TACC1: variants seen among roughly 807,000 people sequenced by gnomAD.
The protein encoded by TACC1 is transforming acidic coiled-coil containing protein 1.
A neutral mutation model predicts 84.4 loss-of-function variants in TACC1; 48 were observed. The ratio of observed to expected loss-of-function variants is 0.57; its 90% CI spans 0.45 to 0.72. The LOEUF is 0.72. TACC1 is among the 30% of genes least tolerant of loss of function. The pLI, the probability that TACC1 is intolerant of heterozygous loss-of-function variation, is 0.00. For missense variants in TACC1, 920 were observed against 973.0 expected, an observed-to-expected ratio of 0.95 and a Z score of 0.72; for synonymous variants, 372 against 376.3, an observed-to-expected ratio of 0.99 and a Z score of 0.13.
intron 3 of TACC1, among the ~76,000 whole-genome samples, chr8:38,779,130 A>C (rs1210378726): frequency 2.6e-5 from 4 of 151,834 alleles, no homozygotes; most frequent in Non-Finnish European, 5.9e-5. Context: ...GAACACCACC[A>C]CGCCTGGCTA....
chr8:38,771,654 C>T (rs1011676002), intron 3 of TACC1, among the ~76,000 whole-genome samples: 3 of 152,200 alleles, frequency 2.0e-5, no homozygotes, highest in African/African-American at 7.2e-5. Flanking sequence ...CTTCTTATAA[C>T]ACAGATGGTC....
rs1177964650 is a variant in TACC1 at position 38,788,831 on chromosome 8, C to T, written c.277+12C>T. 1 of 1,583,068 alleles carries T rather than the reference C, an allele frequency of 6.3e-7. No individual in the cohort carries two copies. Among genetic ancestry groups the T allele is most frequent in the Non-Finnish European group, 8.6e-7 (1 of 1,166,514 alleles). On this transcript the variant is annotated intron_variant, in intron 2 of 12. Transcript: ENST00000317827. ...GGCCAAAAGCCAAGGTAAAGAAAAA[C>T]TTGCATTTTTCCTGCCTGTTTTGTT...
chr8:38,798,683 A>G (rs547636025), intron 2 of TACC1, among the ~76,000 whole-genome samples: 84 of 151,162 alleles, frequency 5.6e-4, no homozygotes, highest in African/African-American at 1.9e-3. Context: ...GCTTAAAACT[A>G]TGATGTACCT....
chr8:38,775,151 C>CTCTCTTGATATATCTCTATAAAGAT (rs1814577444), intron 3 of TACC1, among the ~76,000 whole-genome samples: 1 of 152,066 alleles, frequency 6.6e-6, no homozygotes, highest in Non-Finnish European at 1.5e-5. Context: ...CTCTATTATA[C>CTCTCTTGATATATCTCTATAAAGAT]ATACCAAGTG....
At chr8:38,787,957 C>G in intron 1 of TACC1, 1 of 527,562 alleles carries the variant, frequency 1.9e-6, no homozygotes, top group Non-Finnish European at 3.3e-6. Flanking sequence ...AGGAGAGTTC[C>G]GCACCCAACC....
intron 2 of TACC1, among the ~76,000 whole-genome samples, chr8:38,807,289 G>A (rs536829031): frequency 6.6e-6 from 1 of 152,300 alleles, no homozygotes; most frequent in South Asian, 2.1e-4. Context: ...CTGGTCGTCA[G>A]CCCCCATCCT....
intron 1 of TACC1, among the ~76,000 whole-genome samples, chr8:38,740,444 G>A (rs1424058487): frequency 1.3e-5 from 2 of 152,128 alleles, no homozygotes; most frequent in Non-Finnish European, 2.9e-5. Flanking sequence ...AGGGTTGCCC[G>A]CACCTTTTTG....
chr8:38,744,061 C>T (rs1807594559), intron 2 of TACC1: 1 of 152,286 alleles, frequency 6.6e-6, no homozygotes, highest in East Asian at 1.9e-4. Context: ...TGATTGTCCA[C>T]AGTCAGTTAC....
chr8:38,773,197 G>A (rs1031779877), intron 3 of TACC1, among the ~76,000 whole-genome samples: 9 of 151,674 alleles, frequency 5.9e-5, no homozygotes, highest in Non-Finnish European at 1.3e-4. Flanking sequence ...GTGGTGGCGG[G>A]CACCCGTAAT....
intron 9 of TACC1, 40 bp from the exon 10 acceptor site, chr8:38,842,247 T>G (rs1009775662): frequency 6.3e-7 from 1 of 1,593,058 alleles, no homozygotes; most frequent in African/African-American, 1.4e-5. Flanking sequence ...TGTCTATTTT[T>G]TGAATAAATA....
At chr8:38,765,094 G>A (rs56216879) in intron 3 of TACC1, among the ~76,000 whole-genome samples, 32,411 of 149,180 alleles carry the variant, frequency 0.22, 4,069 homozygotes, top group Non-Finnish European at 0.29. Context: ...GTGAAACTCC[G>A]TCTCAAAAAA....
At chr8:38,752,664 C>T (rs898856416) in intron 3 of TACC1, among the ~76,000 whole-genome samples, 4 of 152,188 alleles carry the variant, frequency 2.6e-5, no homozygotes, top group African/African-American at 9.7e-5. Context: ...CAGCAGCCCA[C>T]TGACCCAGAG....
chr8:38,821,358 T>C (rs1471926521), intron 3 of TACC1, among the ~76,000 whole-genome samples: 1 of 152,206 alleles, frequency 6.6e-6, no homozygotes, highest in African/African-American at 2.4e-5. Context: ...ATTCCAGTCC[T>C]GTAACTTACC....
chr8:38,744,400 G>A (rs1807668877), intron 2 of TACC1, among the ~76,000 whole-genome samples: 1 of 152,080 alleles, frequency 6.6e-6, no homozygotes, highest in Non-Finnish European at 1.5e-5. Context: ...ACAGGCAGGA[G>A]CCACCGCACC....
intron 2 of TACC1, among the ~76,000 whole-genome samples, chr8:38,800,982 T>C (rs1224572915): frequency 6.6e-6 from 1 of 152,252 alleles, no homozygotes; most frequent in Non-Finnish European, 1.5e-5. Context: ...TGGTTTTCAT[T>C]TGCATTTCCC....
At chr8:38,732,623 C>T (rs767201302) in intron 1 of TACC1, among the ~76,000 whole-genome samples, 1 of 152,100 alleles carries the variant, frequency 6.6e-6, no homozygotes, top group Non-Finnish European at 1.5e-5. Context: ...TTACTATGAC[C>T]CAGGCATTGT....
intron 2 of TACC1, among the ~76,000 whole-genome samples, chr8:38,794,835 AC>A (rs1819600661): frequency 6.6e-6 from 1 of 152,158 alleles, no homozygotes; most frequent in Non-Finnish European, 1.5e-5. Context: ...CTTTCATATT[AC>A]CTAGTCCAGC....
intron 3 of TACC1, among the ~76,000 whole-genome samples, chr8:38,762,631 A>T (rs929757464): frequency 6.6e-6 from 1 of 151,070 alleles, no homozygotes; most frequent in African/African-American, 2.4e-5. Flanking sequence ...ATCTTGGCTC[A>T]TTGCAACCTC....
In TACC1 at chr8:38,739,403, C is replaced by T. The variant is rs575026348; in HGVS notation, c.-674-2948C>T. On this transcript the variant is annotated intron_variant, in intron 1 of 14. Coordinates refer to the TACC1 transcript ENST00000518415. ...CATATAGTGGTATTAGAGTGGTTAA[C>T]GTGGATCCCCATGAGAAGCAACTTT... Among the ~76,000 whole-genome samples the T allele has an allele frequency of 9.8e-5, 15 of 152,326 alleles. No individual in the cohort carries two copies. In the South Asian group the frequency reaches 1.9e-3, roughly 19 times the overall value.
Sources: gnomAD v4.1 joint callset for allele counts (sites outside exome capture counted in the v4.1 genomes callset) on GRCh38, gnomAD v4.1.1 for gene constraint, MANE v1.5 for transcripts, NCBI Gene and HGNC (gene_info 2026-07-23, HGNC 2026-07-21) for gene names.